Variants in GNAL observed in about 807,000 individuals in gnomAD.
The protein encoded by GNAL is G protein subunit alpha L, also known as guanine nucleotide-binding protein G(olf) subunit alpha.
GNAL carries 18 observed loss-of-function variants against 55.1 expected under a neutral mutation model. The ratio of observed to expected loss-of-function variants is 0.33; its 90% CI spans 0.23 to 0.48. The LOEUF (loss-of-function observed/expected upper bound fraction) is 0.48. Ranked by LOEUF, GNAL falls within the 20% of genes least tolerant of loss-of-function variation. The pLI, the probability that GNAL is intolerant of heterozygous loss-of-function variation, is 0.99. For missense variants in GNAL, 412 were observed against 614.1 expected, an observed-to-expected ratio of 0.67 and a Z score of 3.48; for synonymous variants, 253 against 237.0, an observed-to-expected ratio of 1.07 and a Z score of -0.62.
intron 4 of GNAL, among the ~76,000 whole-genome samples, chr18:11,788,419 CA>C (rs1372815178): frequency 6.6e-6 from 1 of 152,186 alleles, no homozygotes; most frequent in Non-Finnish European, 1.5e-5. Flanking sequence ...AGTGGTTCCC[CA>C]TGCAGATGGC....
chr18:11,778,982 C>G (rs2033857951), intron 4 of GNAL, among the ~76,000 whole-genome samples: 1 of 151,824 alleles, frequency 6.6e-6, no homozygotes, highest in South Asian at 2.1e-4. Context: ...TGTTCAGATA[C>G]ATTTCAAGAA....
Position 11,882,188 on chromosome 18 carries a change from C to A in GNAL, c.*1053C>A, listed in dbSNP as rs895509119. 1 of 152,180 alleles carries A rather than the reference C, an allele frequency of 6.6e-6. No individual in the cohort carries two copies. The highest frequency in any genetic ancestry group is 2.4e-5 in the African/African-American group (1 of 41,438). The allele number at this position is 152,180 out of a possible 1,614,324, so 9.4% of individuals were successfully genotyped here. ...CTGTTACTTCTCTGAGCTGTAAAAA[C>A]CTGAACTCAATTCAGGGGTACAAAT... On this transcript the variant is annotated 3_prime_UTR_variant, in exon 12 of 12. Coordinates refer to ENST00000334049, the MANE Select transcript of GNAL (RefSeq NM_182978.4).
At chr18:11,768,163 A>C (rs551706084) in intron 4 of GNAL, among the ~76,000 whole-genome samples, 1 of 152,336 alleles carries the variant, frequency 6.6e-6, no homozygotes, top group Non-Finnish European at 1.5e-5. Context: ...GGCATTTGGC[A>C]TATAGTTATG....
chr18:11,733,782 T>C (rs889507380), intron 1 of GNAL, among the ~76,000 whole-genome samples: 1 of 151,276 alleles, frequency 6.6e-6, no homozygotes, highest in African/African-American at 2.4e-5. Context: ...GATTACTTAC[T>C]GGGTACAGTG....
At chr18:11,729,020 T>G (rs976084927) in intron 1 of GNAL, among the ~76,000 whole-genome samples, 1 of 152,040 alleles carries the variant, frequency 6.6e-6, no homozygotes, top group Non-Finnish European at 1.5e-5. Flanking sequence ...TCAGAGCCAT[T>G]TGGGTGGGGA....
chr18:11,808,469 C>T (rs1350168318), intron 4 of GNAL, among the ~76,000 whole-genome samples: 1 of 152,172 alleles, frequency 6.6e-6, no homozygotes, highest in Non-Finnish European at 1.5e-5. Context: ...AAGTGTTACC[C>T]TCATGTAACA....
At chr18:11,708,333 G>A (rs1038896381) in intron 1 of GNAL, among the ~76,000 whole-genome samples, 3 of 152,138 alleles carry the variant, frequency 2.0e-5, no homozygotes, top group Admixed American at 6.5e-5. Context: ...GGAGGGCCCA[G>A]GAAAGGGAGA....
intron 4 of GNAL, among the ~76,000 whole-genome samples, chr18:11,754,822 C>T (rs9954406): frequency 0.32 from 48,114 of 152,086 alleles, 8,364 homozygotes; most frequent in African/African-American, 0.46. Context: ...ACTTGGATGG[C>T]AGTATTGCTT....
In GNAL at chr18:11,881,991, C is replaced by T. The variant is rs1380473206; in HGVS notation, c.*856C>T. On this transcript the variant is annotated 3_prime_UTR_variant, in exon 12 of 12. Transcript: ENST00000334049. This position sits in a 1 kb window ranked among gnomAD's most constrained non-coding sequence, Gnocchi z 4.8. ...GCTGAAGAGCTTAATGTCAACATTA[C>T]CTGCTGCTTACTCTGAAAAAAGGAA... The T allele has an allele frequency of 6.6e-6, 1 of 152,498 alleles. No homozygotes were observed. The highest frequency in any genetic ancestry group is 6.5e-5 in the Admixed American group (1 of 15,270). 9.4% of individuals were successfully genotyped at this position (152,498 alleles called of 1,614,324 possible).
In GNAL at chr18:11,751,858, G is replaced by C. The variant is rs1438461321; in HGVS notation, c.377-995G>C. Among the ~76,000 whole-genome samples the C allele has an allele frequency of 2.0e-5, 3 of 152,176 alleles. No homozygotes were observed. The highest frequency in any genetic ancestry group is 4.4e-5 in the Non-Finnish European group (3 of 68,008). On this transcript the variant is annotated intron_variant, in intron 1 of 11. Transcript: ENST00000334049. This position sits in a 1 kb window ranked among gnomAD's most constrained non-coding sequence, Gnocchi z 4.5. ...TCCCCGCACCGGGATCCCAGACCAG[G>C]GAGGGGGCGCACGTCCGACGGCTGA...
intron 4 of GNAL, among the ~76,000 whole-genome samples, chr18:11,767,321 C>T (rs144858803): frequency 6.6e-6 from 1 of 151,826 alleles, no homozygotes; most frequent in East Asian, 2.0e-4. Flanking sequence ...TTTACACTTG[C>T]ATGCTTACTC....
At chr18:11,871,911 T>C (rs1032855811) in intron 9 of GNAL, among the ~76,000 whole-genome samples, 5 of 152,246 alleles carry the variant, frequency 3.3e-5, no homozygotes, top group African/African-American at 9.6e-5. Context: ...TTCTTGTTGT[T>C]GTTGTTTTTT....
At chr18:11,780,789 T>C (rs2033906904) in intron 4 of GNAL, among the ~76,000 whole-genome samples, 2 of 152,220 alleles carry the variant, frequency 1.3e-5, no homozygotes, top group African/African-American at 2.4e-5. Flanking sequence ...ATGTGAATTA[T>C]TATTGTTATT....
intron 5 of GNAL, among the ~76,000 whole-genome samples, chr18:11,849,501 C>CAAAAAAAAAAAAAAAA (rs71172025): frequency 4.6e-5 from 6 of 130,442 alleles, no homozygotes; most frequent in African/African-American, 9.7e-5. Flanking sequence ...GATTTCATCT[C>CAAAAAAAAAAAAAAAA]AAAAAAAAAA....
intron 1 of GNAL, among the ~76,000 whole-genome samples, chr18:11,730,704 C>T (rs1219031115): frequency 6.6e-6 from 1 of 151,984 alleles, no homozygotes; most frequent in African/African-American, 2.4e-5. Context: ...GTGGAGGTTA[C>T]AGTGACCTGA....
intron 5 of GNAL, chr18:11,852,150 C>A (rs778381437): frequency 2.5e-5 from 38 of 1,523,918 alleles, no homozygotes; most frequent in Middle Eastern, 1.8e-4. Context: ...CCATAGCCAC[C>A]CTTTGAAATG....
chr18:11,840,865 T>TTTTTC (rs1428308738), intron 5 of GNAL, among the ~76,000 whole-genome samples: 1 of 151,610 alleles, frequency 6.6e-6, no homozygotes, highest in African/African-American at 2.4e-5. Context: ...AGGAATTTGC[T>TTTTTC]TTTTCTTTTC....
chr18:11,868,070 A>C lies in GNAL; in HGVS notation c.911-473A>C, dbSNP rs1375138012. Among the ~76,000 whole-genome samples the C allele has an allele frequency of 6.6e-6, 1 of 152,150 alleles. No homozygotes were observed. The highest frequency in any genetic ancestry group is 1.5e-5 in the Non-Finnish European group (1 of 68,026). On this transcript the variant is annotated intron_variant, in intron 8 of 11. Coordinates refer to ENST00000334049, the MANE Select transcript of GNAL (RefSeq NM_182978.4). This position sits in a 1 kb window ranked among gnomAD's most constrained non-coding sequence, Gnocchi z 4.0. The stretch of plus-strand genomic sequence containing the variant: ...AACCCGGGAGGCAGAGGTTGCAGTG[A>C]GCCAAGATTGCGCCATTGCACTCCA...
intron 5 of GNAL, among the ~76,000 whole-genome samples, chr18:11,841,694 C>A (rs1289545660): frequency 6.6e-6 from 1 of 151,624 alleles, no homozygotes; most frequent in African/African-American, 2.4e-5. Context: ...GCTAGAATTC[C>A]TCATTCATCA....
Sources: allele counts gnomAD v4.1 joint callset (sites outside exome capture counted in the v4.1 genomes callset), GRCh38; gene constraint gnomAD v4.1.1; non-coding constraint Gnocchi (gnomAD v3.1); transcripts MANE v1.5; gene names NCBI Gene and HGNC (gene_info 2026-07-23, HGNC 2026-07-21).